The following SNX29 variants were observed in gnomAD, a reference collection of about 807,000 sequenced individuals.
SNX29 encodes the protein sorting nexin-29.
In SNX29, 78 loss-of-function variants were observed where a neutral mutation model predicts 102.1. The observed-to-expected ratio is 0.76, with a 90% CI of 0.64 to 0.92. SNX29 has a LOEUF of 0.92. Among genes scored for constraint, SNX29 ranks in the 40% least tolerant of loss-of-function variants. The pLI, the probability that SNX29 is intolerant of heterozygous loss-of-function variation, is 0.00. For missense variants in SNX29, 1,280 were observed against 1,061.7 expected (o/e 1.21, Z -2.86); for synonymous variants, 580 against 414.5 (o/e 1.40, Z -4.85).
At chr16:12,414,239 T>A (rs776326700) in intron 18 of SNX29, among the ~76,000 whole-genome samples, 2 of 152,154 alleles carry the variant, frequency 1.3e-5, no homozygotes, top group African/African-American at 2.4e-5. Flanking sequence ...CCAGGTGTGG[T>A]GGCTTGTGCC....
At chr16:12,004,891 A>G (rs1221319553) in intron 3 of SNX29, among the ~76,000 whole-genome samples, 1 of 152,206 alleles carries the variant, frequency 6.6e-6, no homozygotes, top group African/African-American at 2.4e-5. Context: ...AATTTTGCCT[A>G]TTACCTGTCA....
chr16:12,035,626 C>T (rs558966472), intron 4 of SNX29, among the ~76,000 whole-genome samples: 76 of 152,334 alleles, frequency 5.0e-4, no homozygotes, highest in African/African-American at 1.8e-3. Context: ...CAGGCTGGCA[C>T]ATGAGTGAAC....
intron 18 of SNX29, among the ~76,000 whole-genome samples, chr16:12,476,698 T>G (rs1055893431): frequency 6.6e-6 from 1 of 151,912 alleles, no homozygotes; most frequent in Non-Finnish European, 1.5e-5. Flanking sequence ...CATTCGCTAA[T>G]TGAAATGTCG....
intron 9 of SNX29, among the ~76,000 whole-genome samples, chr16:12,063,341 C>T (rs532581000): frequency 1.4e-5 from 2 of 138,096 alleles, no homozygotes; most frequent in Admixed American, 7.6e-5. Flanking sequence ...TGGGGGTCTG[C>T]CCACCTCTTC....
chr16:12,035,332 C>G (rs2057445239), intron 4 of SNX29, among the ~76,000 whole-genome samples: 1 of 151,894 alleles, frequency 6.6e-6, no homozygotes, highest in African/African-American at 2.4e-5. Flanking sequence ...CTACTTCGGC[C>G]TCTCAAGTAG....
intron 11 of SNX29, among the ~76,000 whole-genome samples, chr16:12,101,037 C>A (rs1044713027): frequency 6.6e-6 from 1 of 152,128 alleles, no homozygotes; most frequent in African/African-American, 2.4e-5. Context: ...ATTCCCAGGA[C>A]GAAGAGTGCC....
intron 14 of SNX29, among the ~76,000 whole-genome samples, chr16:12,231,017 A>T (rs918221669): frequency 4.0e-5 from 6 of 150,710 alleles, no homozygotes; most frequent in African/African-American, 1.2e-4. Context: ...CACCCGGCTA[A>T]TTTTAATATT....
At chr16:12,567,905 C>T (rs552148124) in intron 20 of SNX29, among the ~76,000 whole-genome samples, 4 of 152,320 alleles carry the variant, frequency 2.6e-5, no homozygotes, top group South Asian at 2.1e-4. Context: ...GACCCATGCC[C>T]TGGGACCCAC....
chr16:12,304,850 T>G (rs2080290418), intron 15 of SNX29, among the ~76,000 whole-genome samples: 2 of 152,212 alleles, frequency 1.3e-5, no homozygotes, highest in South Asian at 4.1e-4. Context: ...AGAATATGAT[T>G]TTACGAGAAC....
chr16:12,220,308 G>GAGGGAGGGAGGGAGGA (rs1354529878), intron 14 of SNX29, among the ~76,000 whole-genome samples: 1 of 147,092 alleles, frequency 6.8e-6, no homozygotes, highest in Non-Finnish European at 1.5e-5. Context: ...TTCTTTATGG[G>GAGGGAGGGAGGGAGGA]AGGGAGGGAG....
At chr16:12,552,270 G>A (rs1336629225) in intron 20 of SNX29, among the ~76,000 whole-genome samples, 4 of 152,132 alleles carry the variant, frequency 2.6e-5, no homozygotes, top group Non-Finnish European at 5.9e-5. Flanking sequence ...CGTAAGCCCT[G>A]GCCAGTTAAC....
Position 12,508,200 on chromosome 16 carries a change from C to T in SNX29, c.2179-16502C>T, listed in dbSNP as rs1567634562. 3.9e-5 allele frequency among the ~76,000 whole-genome samples: 6 copies of T among 152,156 alleles called. No homozygotes were observed. In the South Asian group the frequency reaches 6.2e-4, roughly 16 times the overall value. On this transcript the variant is annotated intron_variant, in intron 19 of 20. Transcript: ENST00000566228. Reference sequence around the variant, plus strand: ...GGCGGGTGGCTATTCTGTCTGTAGCCGTTGTATTCACAGGGAGGAGTCCAG... The same window carrying T: ...GGCGGGTGGCTATTCTGTCTGTAGCTGTTGTATTCACAGGGAGGAGTCCAG...
chr16:12,348,583 G>A (rs1005392638), intron 15 of SNX29, among the ~76,000 whole-genome samples: 2 of 152,130 alleles, frequency 1.3e-5, no homozygotes, highest in African/African-American at 2.4e-5. Context: ...CCTTACCTTT[G>A]AGATGCTCCC....
intron 15 of SNX29, among the ~76,000 whole-genome samples, chr16:12,351,695 C>G (rs1456852982): frequency 6.6e-6 from 1 of 152,040 alleles, no homozygotes; most frequent in Non-Finnish European, 1.5e-5. Context: ...ATCATCTTTC[C>G]TGATACTCCA....
chr16:12,504,703 G>C (rs1353869735), intron 19 of SNX29, among the ~76,000 whole-genome samples: 1 of 152,178 alleles, frequency 6.6e-6, no homozygotes, highest in African/African-American at 2.4e-5. Flanking sequence ...TGTTCTATTT[G>C]ATTATTGTTG....
At chr16:12,461,300 G>A (rs1379587614) in intron 18 of SNX29, among the ~76,000 whole-genome samples, 1 of 152,226 alleles carries the variant, frequency 6.6e-6, no homozygotes, top group Non-Finnish European at 1.5e-5. Flanking sequence ...AACTTCAAGA[G>A]ATTGGATACC....
At chr16:12,078,952 A>G (rs768966458) in intron 11 of SNX29, 37 bp downstream of exon 11, 2 of 1,547,352 alleles carry the variant, frequency 1.3e-6, no homozygotes, top group South Asian at 2.4e-5. Context: ...CAGCTCTGGG[A>G]TGACTTCTGG....
intron 20 of SNX29, among the ~76,000 whole-genome samples, chr16:12,559,773 C>G (rs963331160): frequency 1.3e-5 from 2 of 152,142 alleles, no homozygotes; most frequent in African/African-American, 4.8e-5. Flanking sequence ...ACTCTGAAAG[C>G]ATTACACAGC....
At chr16:12,496,398 C>G (rs1478907286) in intron 19 of SNX29, among the ~76,000 whole-genome samples, 1 of 152,062 alleles carries the variant, frequency 6.6e-6, no homozygotes, top group African/African-American at 2.4e-5. Context: ...CTCACGCTTC[C>G]TCGTTGCAAC....
Sources: allele counts gnomAD v4.1 joint callset (sites outside exome capture counted in the v4.1 genomes callset), GRCh38; gene constraint gnomAD v4.1.1; transcripts MANE v1.5; gene names NCBI Gene and HGNC (gene_info 2026-07-23, HGNC 2026-07-21).